PIEZO2: variants seen among roughly 807,000 people sequenced by gnomAD.
PIEZO2 encodes the protein piezo-type mechanosensitive ion channel component 2.
In PIEZO2, 172 loss-of-function variants were observed where a neutral mutation model predicts 337.3. That is an observed-to-expected ratio of 0.51 (90% confidence interval 0.45 to 0.58). The LOEUF (loss-of-function observed/expected upper bound fraction) is 0.58, where lower values mean the gene tolerates loss of function less well. PIEZO2 is among the 20% of genes least tolerant of loss of function. The pLI, the probability that PIEZO2 is intolerant of heterozygous loss-of-function variation, is 0.00. For missense variants in PIEZO2, 3,028 were observed against 3,391.3 expected, an observed-to-expected ratio of 0.89 and a Z score of 2.66; for synonymous variants, 1,251 against 1,228.5, an observed-to-expected ratio of 1.02 and a Z score of -0.38.
chr18:10,881,244 T>C (rs1311356206), intron 4 of PIEZO2, among the ~76,000 whole-genome samples: 1 of 152,156 alleles, frequency 6.6e-6, no homozygotes, highest in African/African-American at 2.4e-5. Context: ...TATGTATGTA[T>C]GTATGATGTA....
chr18:11,013,240 A>C (rs1454046365), intron 2 of PIEZO2, among the ~76,000 whole-genome samples: 2 of 152,202 alleles, frequency 1.3e-5, no homozygotes, highest in Non-Finnish European at 2.9e-5. Context: ...GGGTATTTAC[A>C]TGAGAAAGAA....
At chr18:11,075,749 CAT>C (rs1308151925) in intron 1 of PIEZO2, among the ~76,000 whole-genome samples, 1 of 151,430 alleles carries the variant, frequency 6.6e-6, no homozygotes, top group African/African-American at 2.4e-5. Context: ...AACGTGCTCA[CAT>C]ATGTGTGACA....
At chr18:10,931,527 G>A (rs539975881) in intron 3 of PIEZO2, among the ~76,000 whole-genome samples, 1 of 152,230 alleles carries the variant, frequency 6.6e-6, no homozygotes, top group African/African-American at 2.4e-5. Context: ...ATAGACTCTA[G>A]AACTTAATAC....
rs551357695 is a variant in PIEZO2, at chr18:11,015,597, A to T, written c.161-35937T>A. On this transcript the variant is annotated intron_variant, in intron 2 of 55. Transcript: ENST00000674853. ...TATCATGTTTTAAGAGAACGCCTTG[A>T]TAATCAGTGCCAAGGTAAGGTCAAA... 2.6e-5 allele frequency among the ~76,000 whole-genome samples: 4 copies of T among 152,306 alleles called. No homozygotes were observed. The East Asian group carries it at 7.7e-4, about 29-fold the overall frequency.
rs149755099 is a variant in PIEZO2 at position 10,893,919 on chromosome 18, T to C, written c.329+17267A>G. On this transcript the variant is annotated intron_variant, in intron 4 of 55. Transcript: ENST00000674853. ...ACCCAGGTGCTTTTGTTACAGTAGG[T>C]AGCTAGTCAGGCATGAGTGAGGCAG... Among the ~76,000 whole-genome samples, 752 of 152,274 alleles carry C rather than the reference T, an allele frequency of 4.9e-3. 10 individuals are homozygous for C. Among genetic ancestry groups the C allele is most frequent in the African/African-American group, 0.017 (724 of 41,562 alleles).
chr18:11,041,493 T>C (rs1476568155), intron 2 of PIEZO2, among the ~76,000 whole-genome samples: 2 of 152,226 alleles, frequency 1.3e-5, no homozygotes, highest in Non-Finnish European at 2.9e-5. Context: ...CATCCTGTAC[T>C]CCACACAGTC....
chr18:10,779,521 G>A (rs1598468582), intron 18 of PIEZO2, among the ~76,000 whole-genome samples: 1 of 152,292 alleles, frequency 6.6e-6, no homozygotes, highest in East Asian at 1.9e-4. Context: ...CCCTAGCTAG[G>A]TGATATGCAT....
At chr18:10,873,280 C>G (rs1049195063) in intron 4 of PIEZO2, among the ~76,000 whole-genome samples, 1 of 152,114 alleles carries the variant, frequency 6.6e-6, no homozygotes, top group Non-Finnish European at 1.5e-5. Flanking sequence ...ATTAATCCAA[C>G]CAACCATCAT....
At chr18:10,743,205 A>G (rs1304630956) in intron 31 of PIEZO2, among the ~76,000 whole-genome samples, 1 of 152,218 alleles carries the variant, frequency 6.6e-6, no homozygotes, top group Non-Finnish European at 1.5e-5. Flanking sequence ...TTATGAAAAT[A>G]ATAATGCTGT....
intron 27 of PIEZO2, among the ~76,000 whole-genome samples, chr18:10,757,129 T>A (rs1442774343): frequency 7.1e-6 from 1 of 141,426 alleles, no homozygotes; most frequent in African/African-American, 2.7e-5. Context: ...AGGATGAGGG[T>A]TGGGGATAAA....
Position 10,993,873 on chromosome 18 carries a change from C to T in PIEZO2, c.161-14213G>A, listed in dbSNP as rs1598797850. ...TATTAATTTTAAAATTTTTCATTTC[C>T]ATAGGTTTTGGGGAACAGGTGATAT... On this transcript the variant is annotated intron_variant, in intron 2 of 55. Transcript: ENST00000674853. This position sits in a 1 kb window ranked among gnomAD's most constrained non-coding sequence, Gnocchi z 5.0. Among the ~76,000 whole-genome samples, 1 of 152,068 alleles carries T rather than the reference C, an allele frequency of 6.6e-6. No individual in the cohort carries two copies.
chr18:10,720,250 G>A (rs2036210474), intron 36 of PIEZO2, among the ~76,000 whole-genome samples: 1 of 115,626 alleles, frequency 8.6e-6, no homozygotes, highest in African/African-American at 3.6e-5. Flanking sequence ...ATATATATAT[G>A]GAGCCCAGGT....
At chr18:10,768,880 C>T (rs2038475488) in intron 21 of PIEZO2, among the ~76,000 whole-genome samples, 1 of 152,148 alleles carries the variant, frequency 6.6e-6, no homozygotes, top group African/African-American at 2.4e-5. Context: ...GATTGTACAA[C>T]AGGATGGATT....
intron 20 of PIEZO2, among the ~76,000 whole-genome samples, chr18:10,771,343 T>G (rs978756469): frequency 2.0e-5 from 3 of 152,228 alleles, no homozygotes; most frequent in African/African-American, 7.2e-5. Flanking sequence ...CAAATGATAA[T>G]TTTTAATCAA....
At chr18:10,959,118 T>C (rs1002720736) in intron 3 of PIEZO2, among the ~76,000 whole-genome samples, 51 of 152,198 alleles carry the variant, frequency 3.4e-4, no homozygotes, top group Non-Finnish European at 6.3e-4. Context: ...CTGAAATGTA[T>C]GCTTATTAGT....
intron 2 of PIEZO2, among the ~76,000 whole-genome samples, chr18:11,014,713 C>T (rs72870641): frequency 0.12 from 17,522 of 140,808 alleles, 1,316 homozygotes; most frequent in Admixed American, 0.2. Flanking sequence ...CAGGGCCCCC[C>T]TCATTCCTCA....
At chr18:10,845,215 A>C (rs12964728) in intron 7 of PIEZO2, among the ~76,000 whole-genome samples, 1 of 121,104 alleles carries the variant, frequency 8.3e-6, no homozygotes, top group Admixed American at 8.9e-5. Flanking sequence ...TATATATATA[A>C]ACACACACAC....
chr18:10,723,733 G>C (rs184358906), intron 36 of PIEZO2, among the ~76,000 whole-genome samples: 17 of 152,250 alleles, frequency 1.1e-4, no homozygotes, highest in Admixed American at 7.2e-4. Context: ...GTTGGGGTGA[G>C]CGCCCTGTCA....
intron 1 of PIEZO2, among the ~76,000 whole-genome samples, chr18:11,088,990 A>T (rs2038990191): frequency 6.6e-6 from 1 of 152,212 alleles, no homozygotes; most frequent in Admixed American, 6.5e-5. Flanking sequence ...ATTACCATAG[A>T]AACCACTTTT....
Sources: allele counts gnomAD v4.1 joint callset (sites outside exome capture counted in the v4.1 genomes callset), GRCh38; gene constraint gnomAD v4.1.1; non-coding constraint Gnocchi (gnomAD v3.1); transcripts MANE v1.5; gene names NCBI Gene and HGNC (gene_info 2026-07-23, HGNC 2026-07-21).